KDELR1: variants seen among roughly 807,000 people sequenced by gnomAD.
The protein encoded by KDELR1 is KDEL endoplasmic reticulum protein retention receptor 1.
Under a neutral mutation model 25.5 loss-of-function variants are expected in KDELR1, and 16 were observed. The observed-to-expected ratio is 0.63, with a 90% CI of 0.43 to 0.95. KDELR1 has a LOEUF of 0.95. Ranked by LOEUF, KDELR1 falls within the 40% of genes least tolerant of loss-of-function variation. KDELR1 has a pLI of 0.00. For synonymous variants in KDELR1, 121 were observed against 115.0 expected, an observed-to-expected ratio of 1.05 and a Z score of -0.33; for missense variants, 159 against 265.2, an observed-to-expected ratio of 0.60 and a Z score of 2.78.
intron 3 of KDELR1, among the ~76,000 whole-genome samples, chr19:48,388,317 A>T (rs906256776): frequency 1.9e-4 from 29 of 152,206 alleles, no homozygotes; most frequent in African/African-American, 2.4e-5. Flanking sequence ...CAATGACCTG[A>T]TCACAACTTT....
At chr19:48,389,382 T>A (rs543251818) in intron 3 of KDELR1, 171 bp downstream of exon 3, 1 of 686,866 alleles carries the variant, frequency 1.5e-6, no homozygotes, top group African/African-American at 1.8e-5. Flanking sequence ...CGAGTCTTGC[T>A]GCTGTTGTGT....
chr19:48,394,367 C>T (rs1240050094), upstream of KDELR1, among the ~76,000 whole-genome samples: 1 of 149,970 alleles, frequency 6.7e-6, no homozygotes, highest in African/African-American at 2.5e-5. The surrounding 1 kb of genome is among the most constrained non-coding windows in gnomAD (Gnocchi z 5.1). Context: ...GTTCCCCAAG[C>T]AGGCAATCTC....
intron 1 of KDELR1, among the ~76,000 whole-genome samples, chr19:48,391,030 G>A (rs1239108576): frequency 2.6e-5 from 4 of 151,810 alleles, no homozygotes; most frequent in African/African-American, 9.7e-5. Flanking sequence ...CCCAGATTGG[G>A]GCTGGGGGTG....
chr19:48,395,260 A>T (rs988041169), upstream of KDELR1, among the ~76,000 whole-genome samples: 1 of 134,236 alleles, frequency 7.4e-6, no homozygotes, highest in South Asian at 2.5e-4. Flanking sequence ...TTCTCCCTGT[A>T]CCCCCCTCCC....
In KDELR1 at chr19:48,391,412, T is replaced by C; in HGVS notation, c.-54A>G. The C allele has an allele frequency of 7.0e-7, 1 of 1,426,100 alleles. No individual in the cohort carries two copies. Among genetic ancestry groups the C allele is most frequent in the Non-Finnish European group, 9.6e-7 (1 of 1,037,028 alleles). The allele number at this position is 1,426,100 out of a possible 1,614,324, so 88.3% of individuals were successfully genotyped here. ...GGAGGGAGGCAGGCTGGCGGGGGGG[T>C]GCCCCCCGAGGCTGCTGGTCTGAAC... On this transcript the variant is annotated 5_prime_UTR_variant, in exon 1 of 5. Coordinates refer to ENST00000330720, the MANE Select transcript of KDELR1 (RefSeq NM_006801.3).
rs940543087 is a variant in KDELR1, at chr19:48,384,813, A to G, written c.352-331T>C. ...GGATTCGCAGTCCGTTCTCATGAAC[A>G]CTTTGCAATTGCGCCTCTCTGAAAG... On this transcript the variant is annotated intron_variant, in intron 3 of 4. Coordinates refer to ENST00000330720, the MANE Select transcript of KDELR1 (RefSeq NM_006801.3). The surrounding 1 kb of genome is among the most constrained non-coding windows in gnomAD (Gnocchi z 4.6). Among the ~76,000 whole-genome samples the G allele has an allele frequency of 6.6e-6, 1 of 152,054 alleles. No homozygotes were observed. Among genetic ancestry groups the G allele is most frequent in the Non-Finnish European group, 1.5e-5 (1 of 68,016 alleles).
At chr19:48,390,559 GAGAC>G (rs771520171) in intron 1 of KDELR1, 35 bp from the exon 2 acceptor site, 10 of 1,308,162 alleles carry the variant, frequency 7.6e-6, no homozygotes, top group South Asian at 2.4e-5. Flanking sequence ...GAGAGAGAGA[GAGAC>G]AGAGAGAGAG....
chr19:48,389,793 C>G, intron 2 of KDELR1, 82 bp from the exon 3 acceptor site: 1 of 1,482,664 alleles, frequency 6.7e-7, no homozygotes. Flanking sequence ...CCAGGCCCCT[C>G]CCTCAGACGC....
intron 3 of KDELR1, among the ~76,000 whole-genome samples, chr19:48,387,127 C>T (rs1019694349): frequency 1.3e-5 from 2 of 151,582 alleles, no homozygotes; most frequent in South Asian, 2.1e-4. Flanking sequence ...TTCAGCAAGC[C>T]GCACTACCTC....
rs1487832262 is a variant in KDELR1 at position 48,383,027 on chromosome 19, A to G, written c.*266T>C. 7.4e-6 allele frequency: 4 copies of G among 540,102 alleles called. No individual in the cohort carries two copies. Among genetic ancestry groups the G allele is most frequent in the Non-Finnish European group, 1.3e-5 (4 of 303,458 alleles). The allele number at this position is 540,102 out of a possible 1,614,324, so 33.5% of individuals were successfully genotyped here. On this transcript the variant is annotated 3_prime_UTR_variant, in exon 5 of 5. Transcript: ENST00000330720. ...AAAAATTGGGGCCACAGAGTAGAAG[A>G]AAAACGAGTCATCAGAATCAAAAAC...
intron 3 of KDELR1, among the ~76,000 whole-genome samples, chr19:48,385,932 A>G (rs190911172): frequency 1.3e-5 from 2 of 152,260 alleles, no homozygotes; most frequent in East Asian, 1.9e-4. Context: ...TGAAGCACGT[A>G]GAGTCCAGGA....
chr19:48,392,488 T>C (rs1258434707), upstream of KDELR1, among the ~76,000 whole-genome samples: 2 of 152,054 alleles, frequency 1.3e-5, no homozygotes, highest in Non-Finnish European at 2.9e-5. Context: ...TTTTCCCTCC[T>C]AGGACGCTGT....
At chr19:48,394,889 G>T (rs1171887352), upstream of KDELR1, 2 of 152,990 alleles carry the variant, frequency 1.3e-5, no homozygotes, top group Non-Finnish European at 2.9e-5. The surrounding 1 kb of genome is among the most constrained non-coding windows in gnomAD (Gnocchi z 5.1). Flanking sequence ...GCCGGGTTCC[G>T]GTCCTGGCCC....
rs951216528 is a variant in KDELR1, at chr19:48,384,794, G to A, written c.352-312C>T. The stretch of plus-strand genomic sequence containing the variant: ...GAGCAATGATTCGAACCAAGGATTC[G>A]CAGTCCGTTCTCATGAACACTTTGC... On this transcript the variant is annotated intron_variant, in intron 3 of 4. Transcript: ENST00000330720. The surrounding 1 kb of genome is among the most constrained non-coding windows in gnomAD (Gnocchi z 4.6). 3.3e-5 allele frequency among the ~76,000 whole-genome samples: 5 copies of A among 152,098 alleles called. No individual in the cohort carries two copies. The highest frequency in any genetic ancestry group is 1.2e-4 in the African/African-American group (5 of 41,418).
intron 3 of KDELR1, 153 bp downstream of exon 3, chr19:48,389,400 C>G (rs538045864): frequency 6.3e-6 from 5 of 791,784 alleles, no homozygotes; most frequent in Non-Finnish European, 8.3e-6. Context: ...TGTTAATTTC[C>G]TCTGACCCCA....
intron 3 of KDELR1, among the ~76,000 whole-genome samples, chr19:48,388,104 C>T (rs1970510414): frequency 6.6e-6 from 1 of 152,190 alleles, no homozygotes; most frequent in Non-Finnish European, 1.5e-5. Context: ...TAATACCAAC[C>T]TCTCATTTGA....
At chr19:48,385,246 C>T (rs1321347372) in intron 3 of KDELR1, among the ~76,000 whole-genome samples, 4 of 152,194 alleles carry the variant, frequency 2.6e-5, no homozygotes, top group Non-Finnish European at 5.9e-5. Context: ...AAAGCTCTTC[C>T]CCTACACTGT....
Position 48,384,719 on chromosome 19 carries a change from A to G in KDELR1, c.352-237T>C, listed in dbSNP as rs1208188195. 6.6e-6 allele frequency among the ~76,000 whole-genome samples: 1 copy of G among 152,040 alleles called. No individual in the cohort carries two copies. Among genetic ancestry groups the G allele is most frequent in the Non-Finnish European group, 1.5e-5 (1 of 68,018 alleles). ...TTATTCTACAGATGAGGAAACTGAC[A>G]CCAGAGAAGGTAAGATACTCGCCCA... is the stretch of plus-strand genomic sequence containing the variant. On this transcript the variant is annotated intron_variant, in intron 3 of 4. Transcript: ENST00000330720. The surrounding 1 kb of genome is among the most constrained non-coding windows in gnomAD (Gnocchi z 4.6).
At position 48,385,548 on chromosome 19, in the gene KDELR1, C is replaced by T. The variant is rs368947785; in HGVS notation, c.352-1066G>A. Reference sequence around the variant, plus strand: ...CCACCATTTAGGGAGCACTGACAACCATCATTCATGAGCAGGACAGGACAT... The same window carrying T: ...CCACCATTTAGGGAGCACTGACAACTATCATTCATGAGCAGGACAGGACAT... On this transcript the variant is annotated intron_variant, in intron 3 of 4. Coordinates refer to ENST00000330720, the MANE Select transcript of KDELR1 (RefSeq NM_006801.3). 6.6e-5 allele frequency among the ~76,000 whole-genome samples: 10 copies of T among 152,348 alleles called. No individual in the cohort carries two copies. In the South Asian group the frequency reaches 2.1e-3, roughly 32 times the overall value.
Sources: gnomAD v4.1 joint callset for allele counts (sites outside exome capture counted in the v4.1 genomes callset) on GRCh38, gnomAD v4.1.1 for gene constraint, Gnocchi (gnomAD v3.1) non-coding constraint, MANE v1.5 for transcripts, NCBI Gene and HGNC (gene_info 2026-07-23, HGNC 2026-07-21) for gene names.